Variants in KANK4 observed in about 807,000 individuals in gnomAD.
KANK4 encodes the protein KN motif and ankyrin repeat domain-containing protein 4.
In KANK4, 50 loss-of-function variants were observed where a neutral mutation model predicts 80.8. That is an observed-to-expected ratio of 0.62 (90% CI 0.49 to 0.78). The LOEUF (loss-of-function observed/expected upper bound fraction) is 0.78, where lower values mean the gene tolerates loss of function less well. Among genes scored for constraint, KANK4 ranks in the 30% least tolerant of loss-of-function variants. The pLI is 0.00. For synonymous variants in KANK4, 465 were observed against 506.9 expected, an observed-to-expected ratio of 0.92 and a Z score of 1.11; for missense variants, 1,196 against 1,240.1, an observed-to-expected ratio of 0.96 and a Z score of 0.53.
intron 4 of KANK4, among the ~76,000 whole-genome samples, chr1:62,270,344 C>T (rs576455560): frequency 4.3e-4 from 65 of 152,016 alleles, no homozygotes; most frequent in African/African-American, 1.5e-3. Flanking sequence ...GAACAGCAAC[C>T]CTCCTGTGAC....
chr1:62,275,914 G>T (rs946154744), intron 2 of KANK4, among the ~76,000 whole-genome samples: 1 of 148,066 alleles, frequency 6.8e-6, no homozygotes. Flanking sequence ...GGAAGGGGAA[G>T]GGAAGGGAAA....
At chr1:62,260,700 A>T (rs1671864361) in intron 7 of KANK4, among the ~76,000 whole-genome samples, 1 of 152,158 alleles carries the variant, frequency 6.6e-6, no homozygotes, top group African/African-American at 2.4e-5. Flanking sequence ...AAACCCAGGC[A>T]TCATCCTTCA....
chr1:62,260,730 C>A (rs1671865000), intron 7 of KANK4, among the ~76,000 whole-genome samples: 1 of 152,202 alleles, frequency 6.6e-6, no homozygotes, highest in African/African-American at 2.4e-5. Flanking sequence ...CAGAATCTGA[C>A]ACAGTTGACA....
chr1:62,238,632 C>CT lies in KANK4; in HGVS notation c.2884-252dup, dbSNP rs199999610. Among the ~76,000 whole-genome samples the CT allele has an allele frequency of 0.039, 5,587 of 142,116 alleles. 120 individuals carry two copies. Among genetic ancestry groups the CT allele is most frequent in the Middle Eastern group, 0.056 (15 of 270 alleles). 93.2% of individuals were successfully genotyped at this position (142,116 alleles called of 152,430 possible). A position where few individuals can be genotyped will look rare whatever the true frequency, so the allele number is the denominator to read the frequency against. On this transcript the variant is annotated intron_variant, in intron 9 of 9. Coordinates refer to ENST00000371153, the MANE Select transcript of KANK4 (RefSeq NM_181712.5). Reference sequence around the variant, plus strand: ...GAAGGGCCATCTAGTTTTTAATGCTCTTTTTTTTTTTTTTTGAGATGGAGT... The same window carrying CT: ...GAAGGGCCATCTAGTTTTTAATGCTCTTTTTTTTTTTTTTTTGAGATGGAGT...
chr1:62,262,982 C>T, intron 7 of KANK4, 110 bp downstream of exon 7: 1 of 801,532 alleles, frequency 1.2e-6, no homozygotes, highest in South Asian at 1.5e-5. Context: ...ATCCATGTAA[C>T]CAAAAACCAC....
At chr1:62,301,332 G>A (rs1644410514) in intron 1 of KANK4, among the ~76,000 whole-genome samples, 1 of 152,056 alleles carries the variant, frequency 6.6e-6, no homozygotes, top group African/African-American at 2.4e-5. Context: ...GCAGGGACCT[G>A]GGCTCAGTTA....
rs1671210561 is a variant in KANK4 at position 62,236,764 on chromosome 1, T to A, written c.*1513A>T. Among the ~76,000 whole-genome samples the A allele has an allele frequency of 6.6e-6, 1 of 151,780 alleles. No individual in the cohort carries two copies. The highest frequency in any genetic ancestry group is 2.4e-5 in the African/African-American group (1 of 41,292). On this transcript the variant is annotated 3_prime_UTR_variant, in exon 10 of 10. Transcript: ENST00000371153. ...CGCCTGCCACCACGCCCCAGCTAAT[T>A]TTTGTATTTTTGGTAGAGACGGGGT... is the stretch of plus-strand genomic sequence containing the variant.
chr1:62,248,900 C>T (rs1354032534), intron 8 of KANK4, among the ~76,000 whole-genome samples: 4 of 146,864 alleles, frequency 2.7e-5, no homozygotes, highest in African/African-American at 5.0e-5. Context: ...CAGTGGCTCA[C>T]GCCTGTAATC....
intron 6 of KANK4, among the ~76,000 whole-genome samples, chr1:62,266,120 T>C (rs115188569): frequency 1.2e-3 from 178 of 152,338 alleles, no homozygotes; most frequent in Middle Eastern, 6.8e-3. Context: ...CCACAGAGTT[T>C]GATGACAGAC....
intron 1 of KANK4, among the ~76,000 whole-genome samples, chr1:62,297,679 C>T (rs576583568): frequency 2.4e-4 from 37 of 152,300 alleles, no homozygotes; most frequent in African/African-American, 7.7e-4. Flanking sequence ...GTTGGGGACA[C>T]GCTGGGTCTC....
chr1:62,268,271 G>A lies in KANK4; in HGVS notation c.2231+16C>T. On this transcript the variant is annotated intron_variant, in intron 5 of 9. Coordinates refer to ENST00000371153, the MANE Select transcript of KANK4 (RefSeq NM_181712.5). ...TTCAGAGGAACAAGTGCCCGCGTTT[G>A]TGTCCATTTGCTCACCTCTCGGCCT... 1 of 1,604,344 alleles carries A rather than the reference G, an allele frequency of 6.2e-7. No individual in the cohort carries two copies. Among genetic ancestry groups the A allele is most frequent in the Non-Finnish European group, 8.5e-7 (1 of 1,172,218 alleles).
chr1:62,255,115 G>A (rs1463101206), intron 7 of KANK4, among the ~76,000 whole-genome samples: 2 of 151,136 alleles, frequency 1.3e-5, no homozygotes, highest in African/African-American at 4.9e-5. Context: ...TCAAACTCCT[G>A]ACCTCATGAT....
chr1:62,261,234 G>A (rs974343713), intron 7 of KANK4, among the ~76,000 whole-genome samples: 2 of 138,130 alleles, frequency 1.4e-5, no homozygotes, highest in African/African-American at 5.5e-5. Flanking sequence ...TCAGCTCACT[G>A]AAACCCCCAC....
intron 5 of KANK4, among the ~76,000 whole-genome samples, chr1:62,267,529 C>T (rs1469505919): frequency 3.3e-5 from 5 of 152,112 alleles, no homozygotes; most frequent in South Asian, 2.1e-4. Context: ...CAGCCAGGCA[C>T]GGTAGCTCAT....
chr1:62,316,044 T>C (rs997116870), intron 1 of KANK4, among the ~76,000 whole-genome samples: 2 of 152,242 alleles, frequency 1.3e-5, no homozygotes, highest in African/African-American at 4.8e-5. Flanking sequence ...GCAAGAGCTC[T>C]GGTAGCAGCA....
intron 1 of KANK4, among the ~76,000 whole-genome samples, chr1:62,284,135 C>T (rs563962336): frequency 1.1e-4 from 16 of 152,216 alleles, no homozygotes; most frequent in Admixed American, 2.6e-4. Flanking sequence ...CCCAGCCTTC[C>T]GCACTTTCCT....
At position 62,237,808 on chromosome 1, in the gene KANK4, T is replaced by A. The variant is rs1052839027; in HGVS notation, c.*469A>T. The A allele has an allele frequency of 5.9e-5, 9 of 152,782 alleles. No homozygotes were observed. The highest frequency in any genetic ancestry group is 2.2e-4 in the African/African-American group (9 of 41,462). 9.5% of individuals were successfully genotyped at this position (152,782 alleles called of 1,614,324 possible). A position where few individuals can be genotyped will look rare whatever the true frequency, so the allele number is the denominator to read the frequency against. On this transcript the variant is annotated 3_prime_UTR_variant, in exon 10 of 10. Transcript: ENST00000371153. ...CAGAATGCTTGCCAGGGGGTTGGCT[T>A]AAATCCCCTCCCATCTATAGACATG...
chr1:62,263,027 A>C, intron 7 of KANK4, 65 bp downstream of exon 7: 7 of 1,271,920 alleles, frequency 5.5e-6, no homozygotes, highest in Non-Finnish European at 7.8e-6. Context: ...TTTTGAAAAA[A>C]ATTTTAAAAA....
intron 1 of KANK4, chr1:62,298,120 G>A (rs1644382421): frequency 6.6e-6 from 1 of 152,154 alleles, no homozygotes; most frequent in Admixed American, 6.5e-5. Context: ...AGAATCACAG[G>A]GATAGGAATC....
Sources: gnomAD v4.1 joint callset for allele counts (sites outside exome capture counted in the v4.1 genomes callset) on GRCh38, gnomAD v4.1.1 for gene constraint, MANE v1.5 for transcripts, NCBI Gene and HGNC (gene_info 2026-07-23, HGNC 2026-07-21) for gene names.